The following LIN28B variants were observed in gnomAD, a reference collection of about 807,000 sequenced individuals.
LIN28B encodes protein lin-28 homolog B.
Under a neutral mutation model 21.9 loss-of-function variants are expected in LIN28B, and 5 were observed. The ratio of observed to expected loss-of-function variants is 0.23; its 90% CI spans 0.12 to 0.48. The LOEUF (loss-of-function observed/expected upper bound fraction) is 0.48. LIN28B is among the 20% of genes least tolerant of loss of function. The pLI is 0.98. For synonymous variants in LIN28B, 109 were observed against 111.3 expected (o/e 0.98, Z 0.13); for missense variants, 245 against 310.5 (o/e 0.79, Z 1.58).
At chr6:105,017,072 CAAAAAA>C (rs56179020) in intron 2 of LIN28B, among the ~76,000 whole-genome samples, 1 of 86,060 alleles carries the variant, frequency 1.2e-5, no homozygotes, top group African/African-American at 4.5e-5. Flanking sequence ...GACTCTGTCT[CAAAAAA>C]AAAAAAAAAA....
At chr6:104,946,786 A>G (rs1326589886) in intron 2 of LIN28B, among the ~76,000 whole-genome samples, 2 of 152,224 alleles carry the variant, frequency 1.3e-5, no homozygotes, top group East Asian at 3.8e-4. Flanking sequence ...TCTTTAAACC[A>G]TAAAGTGAAT....
At chr6:104,983,568 C>T (rs1277466964) in intron 2 of LIN28B, among the ~76,000 whole-genome samples, 2 of 151,926 alleles carry the variant, frequency 1.3e-5, no homozygotes, top group Admixed American at 6.6e-5. Flanking sequence ...AGTGATTCTC[C>T]AGGTTTTGTT....
At chr6:105,051,371 G>A (rs528566072) in intron 3 of LIN28B, among the ~76,000 whole-genome samples, 18 of 151,480 alleles carry the variant, frequency 1.2e-4, no homozygotes, top group Non-Finnish European at 2.6e-4. Context: ...CCTGGGAGGT[G>A]GAGGTTGCAG....
chr6:105,007,141 T>A (rs112704270), intron 2 of LIN28B, among the ~76,000 whole-genome samples: 1 of 152,194 alleles, frequency 6.6e-6, no homozygotes, highest in Non-Finnish European at 1.5e-5. Flanking sequence ...CCCTAACAAC[T>A]TGTTAAAAAT....
intron 2 of LIN28B, among the ~76,000 whole-genome samples, chr6:104,961,063 C>A (rs181557665): frequency 5.3e-5 from 8 of 152,192 alleles, no homozygotes; most frequent in African/African-American, 1.9e-4. Flanking sequence ...TTTAAAATGA[C>A]AGTCTTCATT....
At chr6:105,054,225 T>C (rs745816952) in intron 3 of LIN28B, among the ~76,000 whole-genome samples, 9 of 152,228 alleles carry the variant, frequency 5.9e-5, no homozygotes, top group Non-Finnish European at 1.3e-4. Flanking sequence ...TAGATGCAGG[T>C]CTGCCATTTT....
chr6:105,063,895 GTTATAATAA>G (rs1191030399), intron 3 of LIN28B, among the ~76,000 whole-genome samples: 1 of 148,100 alleles, frequency 6.8e-6, no homozygotes, highest in African/African-American at 2.5e-5. Flanking sequence ...AAATATAATA[GTTATAATAA>G]TTATTATATT....
intron 3 of LIN28B, among the ~76,000 whole-genome samples, chr6:105,064,139 T>C (rs143378056): frequency 8.5e-5 from 13 of 152,276 alleles, no homozygotes; most frequent in African/African-American, 3.1e-4. Context: ...TGGTGCATAT[T>C]TACTGTATGT....
intron 3 of LIN28B, among the ~76,000 whole-genome samples, chr6:105,058,757 G>A (rs751787729): frequency 3.9e-5 from 6 of 152,294 alleles, no homozygotes; most frequent in Non-Finnish European, 8.8e-5. Flanking sequence ...ATGTAATTAT[G>A]TTATATATAA....
chr6:104,988,039 C>T (rs969017882), intron 2 of LIN28B, among the ~76,000 whole-genome samples: 5 of 152,150 alleles, frequency 3.3e-5, no homozygotes, highest in Admixed American at 6.5e-5. Flanking sequence ...CCACTGTTCC[C>T]GGCCATCAAT....
At chr6:105,059,260 C>T (rs1190127821) in intron 3 of LIN28B, among the ~76,000 whole-genome samples, 1 of 150,966 alleles carries the variant, frequency 6.6e-6, no homozygotes, top group Non-Finnish European at 1.5e-5. Context: ...CTTTTCTTGT[C>T]TTCCTTCTAC....
chr6:105,070,638 A>ACACACACACACG (rs1772315165), intron 3 of LIN28B, among the ~76,000 whole-genome samples: 1 of 150,214 alleles, frequency 6.7e-6, no homozygotes, highest in Admixed American at 6.6e-5. Flanking sequence ...ACACACACAC[A>ACACACACACACG]CACTGGTGGT....
rs111822927 is a variant in LIN28B at position 105,074,586 on chromosome 6, G to A, written c.384-3828G>A. Among the ~76,000 whole-genome samples the A allele has an allele frequency of 1.3e-3, 192 of 152,176 alleles. 2 individuals carry two copies. Among genetic ancestry groups the A allele is most frequent in the African/African-American group, 4.4e-3 (183 of 41,512 alleles). On this transcript the variant is annotated intron_variant, in intron 3 of 3. Transcript: ENST00000345080. The stretch of plus-strand genomic sequence containing the variant: ...TGTTAATTATCTTCTATCTTTAAAC[G>A]CTCCTTAAATAAGAAATAATACTTG...
At chr6:105,007,486 T>C (rs1770841107) in intron 2 of LIN28B, among the ~76,000 whole-genome samples, 1 of 152,110 alleles carries the variant, frequency 6.6e-6, no homozygotes, top group Non-Finnish European at 1.5e-5. Flanking sequence ...ATTTAAATGT[T>C]CTTTCTTTGT....
intron 3 of LIN28B, among the ~76,000 whole-genome samples, chr6:105,029,673 A>G (rs1001716557): frequency 2.0e-5 from 3 of 152,180 alleles, no homozygotes; most frequent in African/African-American, 7.2e-5. Context: ...TGTGCCAAAG[A>G]CCCACATAAG....
intron 2 of LIN28B, among the ~76,000 whole-genome samples, chr6:104,997,896 G>A (rs1308778456): frequency 6.6e-6 from 1 of 151,988 alleles, no homozygotes; most frequent in African/African-American, 2.4e-5. Flanking sequence ...GTGCCTTTTT[G>A]ATGAGCTTGT....
intron 2 of LIN28B, among the ~76,000 whole-genome samples, chr6:104,970,228 A>G (rs1256435466): frequency 1.3e-5 from 2 of 152,138 alleles, no homozygotes; most frequent in Admixed American, 1.3e-4. Flanking sequence ...CGCATTTTTG[A>G]TGTTTTCAGA....
chr6:105,019,826 T>C (rs1771099483), intron 2 of LIN28B, among the ~76,000 whole-genome samples: 1 of 152,174 alleles, frequency 6.6e-6, no homozygotes, highest in Admixed American at 6.5e-5. Flanking sequence ...AGTTTGTCAT[T>C]TTGATGGCTT....
intron 2 of LIN28B, among the ~76,000 whole-genome samples, chr6:104,975,211 C>T (rs1294048077): frequency 1.3e-5 from 2 of 152,036 alleles, no homozygotes; most frequent in Non-Finnish European, 2.9e-5. Flanking sequence ...AAAAATTGAT[C>T]ATTCTGTCGA....
Sources: gnomAD v4.1 joint callset for allele counts (sites outside exome capture counted in the v4.1 genomes callset) on GRCh38, gnomAD v4.1.1 for gene constraint, MANE v1.5 for transcripts, NCBI Gene and HGNC (gene_info 2026-07-23, HGNC 2026-07-21) for gene names.